Variants in MBD5 observed in about 807,000 individuals in gnomAD.
MBD5 encodes the protein methyl-CpG-binding domain protein 5.
MBD5 carries 13 observed loss-of-function variants against 117.3 expected under a neutral mutation model. That is an observed-to-expected ratio of 0.11 (90% CI 0.07 to 0.18). The LOEUF (loss-of-function observed/expected upper bound fraction) is 0.18. Ranked by LOEUF, MBD5 falls within the 10% of genes least tolerant of loss-of-function variation. MBD5 has a pLI of 1.00. For missense variants in MBD5, 1,879 were observed against 2,093.8 expected, an observed-to-expected ratio of 0.90 and a Z score of 2.00; for synonymous variants, 727 against 766.4, an observed-to-expected ratio of 0.95 and a Z score of 0.85.
At chr2:148,148,592 T>A (rs1385882847) in intron 1 of MBD5, among the ~76,000 whole-genome samples, 1 of 152,212 alleles carries the variant, frequency 6.6e-6, no homozygotes, top group Non-Finnish European at 1.5e-5. Flanking sequence ...TATTTTTCCT[T>A]TATTAATATT....
intron 1 of MBD5, among the ~76,000 whole-genome samples, chr2:148,173,318 T>C (rs191379675): frequency 4.2e-4 from 64 of 152,306 alleles, no homozygotes; most frequent in Non-Finnish European, 6.9e-4. Flanking sequence ...GCGGTATGCC[T>C]GGTCCAGCCA....
chr2:148,406,567 A>G (rs1341473177), intron 4 of MBD5, among the ~76,000 whole-genome samples: 2 of 152,176 alleles, frequency 1.3e-5, no homozygotes, highest in Non-Finnish European at 2.9e-5. Context: ...TACTCTTACA[A>G]TGGCATCTCA....
chr2:148,212,260 G>A (rs1236283223), intron 2 of MBD5, among the ~76,000 whole-genome samples: 2 of 152,084 alleles, frequency 1.3e-5, no homozygotes, highest in East Asian at 3.8e-4. Flanking sequence ...CCTAGTCCTG[G>A]CAAACAGTAG....
At chr2:148,289,947 G>GTAT (rs1701459536) in intron 3 of MBD5, among the ~76,000 whole-genome samples, 2 of 124,652 alleles carry the variant, frequency 1.6e-5, no homozygotes, top group East Asian at 5.0e-4. Flanking sequence ...TAAAAATCAT[G>GTAT]TATTACCTTT....
intron 1 of MBD5, among the ~76,000 whole-genome samples, chr2:148,140,916 C>A (rs1401472302): frequency 6.6e-6 from 1 of 151,794 alleles, no homozygotes; most frequent in Non-Finnish European, 1.5e-5. Flanking sequence ...TAGGTGTGTA[C>A]CACCTCGCCC....
At position 148,208,598 on chromosome 2, in the gene MBD5, G is replaced by A. The variant is rs184708839; in HGVS notation, c.-830-24647G>A. 2.9e-4 allele frequency among the ~76,000 whole-genome samples: 44 copies of A among 151,108 alleles called. No homozygotes were observed. In the East Asian group the frequency reaches 5.2e-3, roughly 18 times the overall value. On this transcript the variant is annotated intron_variant, in intron 2 of 13. Coordinates refer to ENST00000642680, the MANE Select transcript of MBD5 (RefSeq NM_001378120.1). ...ACTGCTCATCTCTTTTAGGTGAAATGTGTGGCTGGAAACAATTTTGTGATC... is the reference window on the plus strand; with the variant it reads ...ACTGCTCATCTCTTTTAGGTGAAATATGTGGCTGGAAACAATTTTGTGATC...
At chr2:148,215,511 T>C (rs886475522) in intron 2 of MBD5, among the ~76,000 whole-genome samples, 10 of 152,060 alleles carry the variant, frequency 6.6e-5, no homozygotes, top group Admixed American at 5.2e-4. Flanking sequence ...TTTGTTTTTG[T>C]TTTTGTTTTT....
chr2:148,372,033 T>C (rs1703867853), intron 4 of MBD5, among the ~76,000 whole-genome samples: 1 of 152,086 alleles, frequency 6.6e-6, no homozygotes, highest in Non-Finnish European at 1.5e-5. Context: ...ACAAGCAAAC[T>C]GGACCATGAT....
intron 1 of MBD5, among the ~76,000 whole-genome samples, chr2:148,154,192 C>G (rs947237041): frequency 1.3e-5 from 2 of 150,228 alleles, no homozygotes; most frequent in East Asian, 2.0e-4. Context: ...GTTGGAGTAC[C>G]CTGCCGTGTG....
At chr2:148,227,926 T>A (rs1215600005) in intron 2 of MBD5, among the ~76,000 whole-genome samples, 1 of 152,228 alleles carries the variant, frequency 6.6e-6, no homozygotes, top group Admixed American at 6.5e-5. Context: ...GTTATTGGTG[T>A]ATAAGAATGC....
intron 2 of MBD5, among the ~76,000 whole-genome samples, chr2:148,216,628 T>C (rs1699562321): frequency 1.3e-5 from 2 of 152,190 alleles, no homozygotes; most frequent in South Asian, 4.1e-4. Flanking sequence ...TTTTTAACAA[T>C]TATATTCTTC....
chr2:148,502,340 C>T (rs1681898128), intron 11 of MBD5, 96 bp from the exon 12 acceptor site: 1 of 1,090,590 alleles, frequency 9.2e-7, no homozygotes, highest in South Asian at 1.3e-5. Context: ...CCCCTCCCCG[C>T]CAGTGCAGCA....
intron 4 of MBD5, among the ~76,000 whole-genome samples, chr2:148,409,446 G>A (rs1705187693): frequency 6.6e-6 from 1 of 151,462 alleles, no homozygotes; most frequent in Admixed American, 6.6e-5. Flanking sequence ...GAAAAGGGAA[G>A]GAGGGAGGGA....
At chr2:148,188,915 C>T (rs889313436) in intron 2 of MBD5, among the ~76,000 whole-genome samples, 9 of 151,632 alleles carry the variant, frequency 5.9e-5, no homozygotes, top group Admixed American at 3.3e-4. Flanking sequence ...GTGCGCGAGC[C>T]GAAGCAGGGC....
At position 148,294,503 on chromosome 2, in the gene MBD5, T is replaced by TTTTTTTTTTTTTTGTTTTG. The variant is rs1701593839; in HGVS notation, c.-679-47698_-679-47697insGTTTTGTTTTTTTTTTTTT. ...CCTCCCAAAGTGCTGGGATTACAGTTTTTTTTTTTTTTTTTTTTGAGATAG... is the reference window on the plus strand; with the variant it reads ...CCTCCCAAAGTGCTGGGATTACAGTTTTTTTTTTTTTTTGTTTTGTTTTTTTTTTTTTTTTTTGAGATAG... On this transcript the variant is annotated intron_variant, in intron 3 of 13. Coordinates refer to ENST00000642680, the MANE Select transcript of MBD5 (RefSeq NM_001378120.1). Among the ~76,000 whole-genome samples the TTTTTTTTTTTTTTGTTTTG allele has an allele frequency of 3.9e-3, 70 of 17,826 alleles. 2 individuals carry two copies. The highest frequency in any genetic ancestry group is 0.012 in the African/African-American group (68 of 5,728). 11.7% of individuals were successfully genotyped at this position (17,826 alleles called of 152,430 possible).
chr2:148,086,807 C>T (rs1314000310), intron 1 of MBD5, among the ~76,000 whole-genome samples: 2 of 152,086 alleles, frequency 1.3e-5, no homozygotes, highest in African/African-American at 4.8e-5. Flanking sequence ...ACCCGTAGTT[C>T]TGGTATTTAT....
chr2:148,324,085 T>C (rs961625029), intron 3 of MBD5, among the ~76,000 whole-genome samples: 1 of 152,222 alleles, frequency 6.6e-6, no homozygotes, highest in Non-Finnish European at 1.5e-5. Flanking sequence ...CCCAGCACCA[T>C]TTATTAAATA....
chr2:148,393,599 G>A (rs928759614), intron 4 of MBD5, among the ~76,000 whole-genome samples: 1 of 152,110 alleles, frequency 6.6e-6, no homozygotes, highest in African/African-American at 2.4e-5. Context: ...ATAAACCAGT[G>A]CTTCTAAATT....
intron 1 of MBD5, among the ~76,000 whole-genome samples, chr2:148,172,855 A>G (rs1698293822): frequency 1.3e-5 from 2 of 152,098 alleles, no homozygotes; most frequent in African/African-American, 2.4e-5. Context: ...AGGTCTCCTC[A>G]GCTCTTAATT....
Sources: allele counts gnomAD v4.1 joint callset (sites outside exome capture counted in the v4.1 genomes callset), GRCh38; gene constraint gnomAD v4.1.1; transcripts MANE v1.5; gene names NCBI Gene and HGNC (gene_info 2026-07-23, HGNC 2026-07-21).